MS4A4A: variants seen among roughly 807,000 people sequenced by gnomAD.
MS4A4A encodes membrane-spanning 4-domains subfamily A member 4A.
In MS4A4A, 26 loss-of-function variants were observed where a neutral mutation model predicts 28.0. The observed-to-expected ratio is 0.93, with a 90% CI of 0.68 to 1.29. The LOEUF (loss-of-function observed/expected upper bound fraction) is 1.29. MS4A4A is among the 50% of genes most tolerant of loss of function. MS4A4A has a pLI of 0.00. For missense variants in MS4A4A, 290 were observed against 293.1 expected, an observed-to-expected ratio of 0.99 and a Z score of 0.08; for synonymous variants, 86 against 100.8, an observed-to-expected ratio of 0.85 and a Z score of 0.88.
intron 1 of MS4A4A, among the ~76,000 whole-genome samples, chr11:60,285,167 G>T (rs1002717540): frequency 1.3e-5 from 2 of 152,118 alleles, no homozygotes; most frequent in Non-Finnish European, 2.9e-5. Context: ...GTCCTTTCTT[G>T]GTGGAAGGCC....
At chr11:60,284,665 T>G (rs1421241943) in intron 1 of MS4A4A, among the ~76,000 whole-genome samples, 3 of 152,200 alleles carry the variant, frequency 2.0e-5, no homozygotes, top group African/African-American at 4.8e-5. Flanking sequence ...CTCTTCCTCT[T>G]GCAGTCTCTG....
In MS4A4A at chr11:60,308,867, G is replaced by A. The variant is rs1166428459; in HGVS notation, c.*689G>A. The stretch of plus-strand genomic sequence containing the variant: ...CCTTTCCCTTCTCCCACCTTCTACT[G>A]GGCATAATTATATCTTAATCATATA... On this transcript the variant is annotated 3_prime_UTR_variant, in exon 7 of 7. Coordinates refer to ENST00000337908, the MANE Select transcript of MS4A4A (RefSeq NM_148975.3). 6.6e-6 allele frequency: 1 copy of A among 152,066 alleles called. No individual in the cohort carries two copies. Among genetic ancestry groups the A allele is most frequent in the African/African-American group, 2.4e-5 (1 of 41,382 alleles). 9.4% of individuals were successfully genotyped at this position (152,066 alleles called of 1,614,324 possible). A position where few individuals can be genotyped will look rare whatever the true frequency, so the allele number is the denominator to read the frequency against.
chr11:60,296,995 A>G (rs1055976532), intron 2 of MS4A4A: 1 of 592,944 alleles, frequency 1.7e-6, no homozygotes, highest in Non-Finnish European at 2.8e-6. Flanking sequence ...ATTATTGGCA[A>G]TGATAGACGT....
chr11:60,280,887 G>C (rs115867187), intron 1 of MS4A4A, among the ~76,000 whole-genome samples, 171 bp downstream of exon 1: 38 of 152,196 alleles, frequency 2.5e-4, no homozygotes, highest in Admixed American at 2.3e-3. Context: ...TGCATTCGGT[G>C]GGGGGATGAG....
chr11:60,288,646 A>C (rs2084823407), intron 1 of MS4A4A, among the ~76,000 whole-genome samples: 1 of 152,168 alleles, frequency 6.6e-6, no homozygotes, highest in African/African-American at 2.4e-5. Flanking sequence ...GGAGTGCCAC[A>C]TAGTGGTAAC....
chr11:60,284,704 G>C (rs1322150193), intron 1 of MS4A4A, among the ~76,000 whole-genome samples: 3 of 152,136 alleles, frequency 2.0e-5, no homozygotes, highest in Non-Finnish European at 4.4e-5. Context: ...TTATGAGGTG[G>C]GTTACATTCA....
intron 5 of MS4A4A, among the ~76,000 whole-genome samples, chr11:60,304,898 CAAT>C (rs1337019479): frequency 6.6e-6 from 1 of 152,156 alleles, no homozygotes; most frequent in Non-Finnish European, 1.5e-5. Flanking sequence ...GTGCCTACAA[CAAT>C]GTTGGAAACA....
chr11:60,302,663 C>CTACTA lies in MS4A4A; in HGVS notation c.493_494insACTAT (p.Cys165TyrfsTer19), dbSNP rs2084962922. On this transcript the variant is annotated frameshift_variant, in exon 5 of 7. Coordinates refer to ENST00000337908, the MANE Select transcript of MS4A4A (RefSeq NM_148975.3). LOFTEE classifies it high-confidence loss of function. ...CGTTTTATTCATTCCATCACCCTTACTGTAACTACTATGGCAACTCAAATA... is the reference window on the plus strand; with the variant it reads ...CGTTTTATTCATTCCATCACCCTTACTACTATGTAACTACTATGGCAACTCAAATA... 6.2e-7 allele frequency: 1 copy of CTACTA among 1,613,838 alleles called. No homozygotes were observed. The highest frequency in any genetic ancestry group is 8.5e-7 in the Non-Finnish European group (1 of 1,179,840).
At position 60,302,553 on chromosome 11, in the gene MS4A4A, T is replaced by C; in HGVS notation, c.388-6T>C. The C allele has an allele frequency of 4.3e-6, 7 of 1,613,266 alleles. No homozygotes were observed. Among genetic ancestry groups the C allele is most frequent in the Non-Finnish European group, 5.9e-6 (7 of 1,179,696 alleles). On this transcript the variant is annotated splice_polypyrimidine_tract_variant and splice_region_variant and intron_variant, in intron 4 of 6. Transcript: ENST00000337908. ...GATTGTTTAATTGATTTTCATTCCT[T>C]TCTAGGTCCGAGGTAGTCTAGGAAT...
At chr11:60,287,333 A>G (rs2084811694) in intron 1 of MS4A4A, among the ~76,000 whole-genome samples, 1 of 152,212 alleles carries the variant, frequency 6.6e-6, no homozygotes, top group Admixed American at 6.5e-5. Context: ...AGTGGAAGTG[A>G]GCGTACAAAG....
intron 6 of MS4A4A, among the ~76,000 whole-genome samples, chr11:60,307,299 C>G (rs2085011777): frequency 6.6e-6 from 1 of 152,204 alleles, no homozygotes; most frequent in East Asian, 1.9e-4. Context: ...CCCACTCCCC[C>G]ACAGCCCTTC....
intron 4 of MS4A4A, 85 bp from the exon 5 acceptor site, chr11:60,302,470 TAAGA>T: frequency 7.8e-7 from 1 of 1,278,772 alleles, no homozygotes; most frequent in Non-Finnish European, 1.1e-6. Context: ...TAGATGGCAG[TAAGA>T]AAGAGATGGT....
Position 60,308,868 on chromosome 11 carries a change from G to A in MS4A4A, c.*690G>A, listed in dbSNP as rs1490508869. ...CTTTCCCTTCTCCCACCTTCTACTG[G>A]GCATAATTATATCTTAATCATATAT... On this transcript the variant is annotated 3_prime_UTR_variant, in exon 7 of 7. Coordinates refer to ENST00000337908, the MANE Select transcript of MS4A4A (RefSeq NM_148975.3). The A allele has an allele frequency of 6.6e-6, 1 of 151,924 alleles. No individual in the cohort carries two copies. Among genetic ancestry groups the A allele is most frequent in the Non-Finnish European group, 1.5e-5 (1 of 68,002 alleles). 9.4% of individuals were successfully genotyped at this position (151,924 alleles called of 1,614,324 possible). A position where few individuals can be genotyped will look rare whatever the true frequency, so the allele number is the denominator to read the frequency against.
At chr11:60,285,996 G>A (rs1054525078) in intron 1 of MS4A4A, among the ~76,000 whole-genome samples, 10 of 152,190 alleles carry the variant, frequency 6.6e-5, no homozygotes, top group Non-Finnish European at 1.3e-4. Context: ...ATCTTCAATC[G>A]CATAAGGCAG....
At chr11:60,290,712 ATAAT>A (rs1191459732) in intron 1 of MS4A4A, among the ~76,000 whole-genome samples, 2 of 151,986 alleles carry the variant, frequency 1.3e-5, no homozygotes, top group Admixed American at 6.6e-5. Flanking sequence ...AATGTTCTAA[ATAAT>A]TAATCTTTTC....
intron 3 of MS4A4A, among the ~76,000 whole-genome samples, chr11:60,298,550 A>G (rs1160602588): frequency 3.3e-5 from 5 of 152,208 alleles, no homozygotes; most frequent in Non-Finnish European, 7.3e-5. Context: ...CATTATAATC[A>G]TTTTATGGAT....
Position 60,308,233 on chromosome 11 carries a change from C to A in MS4A4A, c.*55C>A. 1 of 1,532,622 alleles carries A rather than the reference C, an allele frequency of 6.5e-7. No homozygotes were observed. Among genetic ancestry groups the A allele is most frequent in the Non-Finnish European group, 9.0e-7 (1 of 1,107,740 alleles). The allele number at this position is 1,532,622 out of a possible 1,614,324, so 94.9% of individuals were successfully genotyped here. A position where few individuals can be genotyped will look rare whatever the true frequency, so the allele number is the denominator to read the frequency against. Reference sequence around the variant, plus strand: ...CCAGAAATCTATGCTGACTGTGACACAAGAGCCTCACATGAGAAATTACCA... The same window carrying A: ...CCAGAAATCTATGCTGACTGTGACAAAAGAGCCTCACATGAGAAATTACCA... On this transcript the variant is annotated 3_prime_UTR_variant, in exon 7 of 7. Coordinates refer to ENST00000337908, the MANE Select transcript of MS4A4A (RefSeq NM_148975.3).
chr11:60,291,915 T>C (rs1247835346), intron 1 of MS4A4A, among the ~76,000 whole-genome samples: 3 of 152,220 alleles, frequency 2.0e-5, no homozygotes, highest in South Asian at 2.1e-4. Context: ...CGACTTGGAA[T>C]TGGAACTTAA....
At position 60,308,269 on chromosome 11, in the gene MS4A4A, T is replaced by C. The variant is rs2085022980; in HGVS notation, c.*91T>C. 1 of 1,106,006 alleles carries C rather than the reference T, an allele frequency of 9.0e-7. No homozygotes were observed. Among genetic ancestry groups the C allele is most frequent in the Non-Finnish European group, 1.4e-6 (1 of 727,150 alleles). 68.5% of individuals were successfully genotyped at this position (1,106,006 alleles called of 1,614,324 possible). On this transcript the variant is annotated 3_prime_UTR_variant, in exon 7 of 7. Transcript: ENST00000337908. ...CATGAGAAATTACCAGTATCCAACT[T>C]CGATACTGATAGACTTGTTGATATT...
Sources: allele counts gnomAD v4.1 joint callset (sites outside exome capture counted in the v4.1 genomes callset), GRCh38; gene constraint gnomAD v4.1.1; transcripts MANE v1.5; gene names NCBI Gene and HGNC (gene_info 2026-07-23, HGNC 2026-07-21).